The following KHDRBS2 variants were observed in gnomAD, a reference collection of about 807,000 sequenced individuals.
KHDRBS2 encodes the protein KH domain-containing, RNA-binding, signal transduction-associated protein 2.
A neutral mutation model predicts 44.3 loss-of-function variants in KHDRBS2; 26 were observed. The ratio of observed to expected loss-of-function variants is 0.59; its 90% CI spans 0.43 to 0.81. The LOEUF (loss-of-function observed/expected upper bound fraction) is 0.81. Among genes scored for constraint, KHDRBS2 ranks in the 40% least tolerant of loss-of-function variants. The probability of loss-of-function intolerance (pLI) is 0.00; values close to 1 mark genes in which losing one functional copy is unlikely to be tolerated. For synonymous variants in KHDRBS2, 194 were observed against 151.1 expected (o/e 1.28, Z -2.08); for missense variants, 476 against 433.1 (o/e 1.10, Z -0.88).
At chr6:61,688,566 G>A (rs1311408816) in intron 8 of KHDRBS2, among the ~76,000 whole-genome samples, 1 of 151,876 alleles carries the variant, frequency 6.6e-6, no homozygotes, top group Admixed American at 6.6e-5. Flanking sequence ...GAGCTTCATA[G>A]ACAGAGATTA....
intron 6 of KHDRBS2, among the ~76,000 whole-genome samples, chr6:61,798,836 G>A (rs1226397213): frequency 4.6e-5 from 7 of 151,458 alleles, no homozygotes; most frequent in African/African-American, 1.7e-4. Context: ...TTATATATAA[G>A]GCAAAAAAGC....
intron 1 of KHDRBS2, among the ~76,000 whole-genome samples, chr6:62,247,628 T>A (rs1410830217): frequency 6.6e-6 from 1 of 152,022 alleles, no homozygotes; most frequent in African/African-American, 2.4e-5. Context: ...CACTGTGTTG[T>A]CTTAGGTTCT....
intron 8 of KHDRBS2, among the ~76,000 whole-genome samples, chr6:61,687,280 A>G (rs1304584414): frequency 6.6e-6 from 1 of 151,674 alleles, no homozygotes; most frequent in African/African-American, 2.4e-5. Context: ...AGCATTTACA[A>G]CTTTTATCAC....
At chr6:61,648,036 A>AG in the KHDRBS2 span, among the ~76,000 whole-genome samples, 3,718 of 152,248 alleles carry the variant, frequency 0.024, 70 homozygotes, top group Middle Eastern at 0.088. Flanking sequence ...GATATCACAA[A>AG]GGGGGGTTCT....
intron 4 of KHDRBS2, among the ~76,000 whole-genome samples, chr6:61,954,296 CACATATATAT>C (rs1183742771): frequency 6.7e-6 from 1 of 150,306 alleles, no homozygotes; most frequent in Non-Finnish European, 1.5e-5. Context: ...TCTACATATA[CACATATATAT>C]ACATATACAT....
rs542324790 is a variant in KHDRBS2, at chr6:61,932,236, A to C, written c.484-30865T>G. Among the ~76,000 whole-genome samples the C allele has an allele frequency of 2.0e-5, 3 of 152,302 alleles. No homozygotes were observed. The South Asian group carries it at 6.2e-4, about 32-fold the overall frequency. On this transcript the variant is annotated intron_variant, in intron 4 of 8. Coordinates refer to ENST00000281156, the MANE Select transcript of KHDRBS2 (RefSeq NM_152688.4). Reference sequence around the variant, plus strand: ...TACATATACATTGTGGAATGGTTAAATCTAGCTAATTAACAAATATGTTAG... The same window carrying C: ...TACATATACATTGTGGAATGGTTAACTCTAGCTAATTAACAAATATGTTAG...
At chr6:61,567,820 C>G in the KHDRBS2 span, among the ~76,000 whole-genome samples, 7 of 151,976 alleles carry the variant, frequency 4.6e-5, 1 homozygote, top group South Asian at 1.5e-3. Context: ...ATCTATGAAA[C>G]CAAGCCTTAG....
chr6:61,742,093 A>G lies in KHDRBS2; in HGVS notation c.811-9329T>C, dbSNP rs550986446. 1.6e-3 allele frequency among the ~76,000 whole-genome samples: 237 copies of G among 152,142 alleles called. 1 individual carries two copies. The highest frequency in any genetic ancestry group is 5.3e-3 in the African/African-American group (221 of 41,562). On this transcript the variant is annotated intron_variant, in intron 6 of 8. Coordinates refer to ENST00000281156, the MANE Select transcript of KHDRBS2 (RefSeq NM_152688.4). ...TCTATAATTAAGTAATTTAATTATG[A>G]GGGTCAAGATAATAAATTGTCACCA...
chr6:61,607,094 AT>A, the KHDRBS2 span, among the ~76,000 whole-genome samples: 3 of 151,656 alleles, frequency 2.0e-5, no homozygotes, highest in East Asian at 1.9e-4. Context: ...CGCATGATTA[AT>A]TTTTTTTGGA....
intron 6 of KHDRBS2, among the ~76,000 whole-genome samples, chr6:61,777,301 TA>T (rs200784772): frequency 2.0e-5 from 3 of 151,578 alleles, no homozygotes; most frequent in Non-Finnish European, 4.4e-5. Context: ...TAATAAAATA[TA>T]AAAAAAATTC....
chr6:61,927,121 T>C (rs1327805345), intron 4 of KHDRBS2, among the ~76,000 whole-genome samples: 1 of 151,940 alleles, frequency 6.6e-6, no homozygotes, highest in Non-Finnish European at 1.5e-5. Context: ...AATAGCTGGG[T>C]AAATAGGAAA....
intron 1 of KHDRBS2, among the ~76,000 whole-genome samples, chr6:62,217,949 T>A (rs1368017608): frequency 2.0e-5 from 3 of 151,848 alleles, no homozygotes; most frequent in African/African-American, 7.2e-5. Context: ...AAAAATCTTA[T>A]TAAAAGCAAC....
intron 2 of KHDRBS2, among the ~76,000 whole-genome samples, chr6:62,126,716 A>C (rs1809065084): frequency 6.6e-6 from 1 of 152,220 alleles, no homozygotes; most frequent in African/African-American, 2.4e-5. Flanking sequence ...ATTTTCTATG[A>C]AAGGCTTGTT....
chr6:62,217,647 CA>C (rs962829645), intron 1 of KHDRBS2, among the ~76,000 whole-genome samples: 6 of 151,764 alleles, frequency 4.0e-5, no homozygotes, highest in African/African-American at 1.5e-4. Context: ...GAAAAATGAT[CA>C]ACTGATGTCT....
At chr6:62,229,124 G>A (rs1832439308) in intron 1 of KHDRBS2, among the ~76,000 whole-genome samples, 1 of 152,108 alleles carries the variant, frequency 6.6e-6, no homozygotes, top group Admixed American at 6.5e-5. Flanking sequence ...AAGTCTGCTG[G>A]TTTGTGGAGA....
In KHDRBS2 at chr6:62,022,030, C is replaced by CTA. The variant is rs201174798; in HGVS notation, c.336+25846_336+25847dup. Among the ~76,000 whole-genome samples the CTA allele has an allele frequency of 8.8e-3, 1,269 of 144,630 alleles. 14 individuals are homozygous for CTA. Among genetic ancestry groups the CTA allele is most frequent in the South Asian group, 0.05 (231 of 4,620 alleles). The allele number at this position is 144,630 out of a possible 152,430, so 94.9% of individuals were successfully genotyped here. On this transcript the variant is annotated intron_variant, in intron 3 of 8. Coordinates refer to ENST00000281156, the MANE Select transcript of KHDRBS2 (RefSeq NM_152688.4). Reference sequence around the variant, plus strand: ...ATATATATATACACACACACAAACACTATATATATATATATATTCTGTAGG... The same window carrying CTA: ...ATATATATATACACACACACAAACACTATATATATATATATATATTCTGTAGG...
intron 4 of KHDRBS2, among the ~76,000 whole-genome samples, chr6:61,961,653 C>T (rs1009551167): frequency 1.3e-5 from 2 of 151,994 alleles, no homozygotes; most frequent in Admixed American, 6.6e-5. Context: ...ACTGAGGGTT[C>T]GCTCAAAGAC....
At chr6:61,684,845 C>A in intron 8 of KHDRBS2, among the ~76,000 whole-genome samples, 1 of 151,550 alleles carries the variant, frequency 6.6e-6, no homozygotes, top group East Asian at 2.0e-4. Flanking sequence ...CCAATTGCCA[C>A]CCTTTTTTGG....
intron 3 of KHDRBS2, among the ~76,000 whole-genome samples, chr6:62,015,202 A>T (rs1780998746): frequency 6.6e-6 from 1 of 152,206 alleles, no homozygotes; most frequent in Non-Finnish European, 1.5e-5. Context: ...CTTATAGATT[A>T]ATACACACAT....
Sources: gnomAD v4.1 joint callset for allele counts (sites outside exome capture counted in the v4.1 genomes callset) on GRCh38, gnomAD v4.1.1 for gene constraint, MANE v1.5 for transcripts, NCBI Gene and HGNC (gene_info 2026-07-23, HGNC 2026-07-21) for gene names.